SDR42E1: variants seen among roughly 807,000 people sequenced by gnomAD.
SDR42E1 encodes the protein short-chain dehydrogenase/reductase family 42E member 1.
In SDR42E1, 5 loss-of-function variants were observed where a neutral mutation model predicts 2.6. That is an observed-to-expected ratio of 1.94 (90% confidence interval 1.01 to 4.08). The LOEUF (loss-of-function observed/expected upper bound fraction) is 4.08. SDR42E1 is among the 30% of genes most tolerant of loss of function. The pLI, the probability that SDR42E1 is intolerant of heterozygous loss-of-function variation, is 0.00. For synonymous variants in SDR42E1, 231 were observed against 188.3 expected (o/e 1.23, Z -1.86); for missense variants, 596 against 478.6 (o/e 1.25, Z -2.29).
intron 1 of SDR42E1, among the ~76,000 whole-genome samples, chr16:82,007,287 T>C (rs1483206940): frequency 6.6e-6 from 1 of 152,222 alleles, no homozygotes; most frequent in Non-Finnish European, 1.5e-5. Context: ...AGGTCAGCAG[T>C]TTGCCACGTC....
chr16:82,003,646 C>G (rs1271517338), intron 1 of SDR42E1, among the ~76,000 whole-genome samples: 1 of 152,234 alleles, frequency 6.6e-6, no homozygotes, highest in African/African-American at 2.4e-5. Context: ...GGTCTGCTGA[C>G]AAGTCTTCAG....
chr16:82,002,175 G>C (rs955383168), intron 1 of SDR42E1, among the ~76,000 whole-genome samples: 12 of 152,292 alleles, frequency 7.9e-5, no homozygotes, highest in East Asian at 7.7e-4. Flanking sequence ...GAGCAGCAGA[G>C]GTTAGGGCTA....
chr16:82,005,984 T>A (rs1912920571), intron 1 of SDR42E1, among the ~76,000 whole-genome samples: 1 of 152,222 alleles, frequency 6.6e-6, no homozygotes. Flanking sequence ...GGGAGTACTT[T>A]ACATTTTAAA....
chr16:82,006,976 C>A (rs898851142), intron 1 of SDR42E1, among the ~76,000 whole-genome samples: 1 of 152,212 alleles, frequency 6.6e-6, no homozygotes, highest in Admixed American at 6.5e-5. Flanking sequence ...TGAGGTGTTT[C>A]AAATCTTGTT....
In SDR42E1 at chr16:82,000,194, G is replaced by T. The variant is rs764401116; in HGVS notation, c.99C>A (p.Val33=). ...TGCTGATGTCAAACAGAATCACATG[G>T]ACTCCATTTTGGTTCAGGGCACAGC... ...RLGCALNQNG[V]HVILFDISSP... is the part of the protein sequence containing the mutation. Residue 33 remains valine (V), a synonymous_variant, in exon 3 of 3, where the codon GTC becomes GTA. Coordinates refer to ENST00000328945, the MANE Select transcript of SDR42E1 (RefSeq NM_145168.3). 9 of 1,609,712 alleles carry T rather than the reference G, an allele frequency of 5.6e-6. No homozygotes were observed. The highest frequency in any genetic ancestry group is 2.7e-5 in the African/African-American group (2 of 74,854).
Position 81,991,441 on chromosome 16 carries a change from G to T in SDR42E1, c.*7670C>A, listed in dbSNP as rs531852471. On this transcript the variant is annotated 3_prime_UTR_variant, in exon 3 of 3. Transcript: ENST00000328945. The stretch of plus-strand genomic sequence containing the variant: ...CCAACAAGGTAAGAGTTTGGGCCAG[G>T]CTCGGTGGCTCATACCTGTAATCCC... 1 of 152,272 alleles carries T rather than the reference G, an allele frequency of 6.6e-6. No homozygotes were observed. Among genetic ancestry groups the T allele is most frequent in the Non-Finnish European group, 1.5e-5 (1 of 68,042 alleles). 9.4% of individuals were successfully genotyped at this position (152,272 alleles called of 1,614,324 possible).
At chr16:82,002,586 T>G (rs990617801) in intron 1 of SDR42E1, among the ~76,000 whole-genome samples, 1 of 152,118 alleles carries the variant, frequency 6.6e-6, no homozygotes, top group East Asian at 1.9e-4. Context: ...ACAGAGACAG[T>G]AAATAAACTT....
chr16:82,001,063 C>T (rs915189651), intron 1 of SDR42E1, among the ~76,000 whole-genome samples, 179 bp from the exon 2 acceptor site: 2 of 152,178 alleles, frequency 1.3e-5, no homozygotes, highest in Non-Finnish European at 1.5e-5. Context: ...CTTCAAATTT[C>T]ACCCGATGTA....
At chr16:82,003,060 C>A (rs1912819722) in intron 1 of SDR42E1, among the ~76,000 whole-genome samples, 1 of 152,220 alleles carries the variant, frequency 6.6e-6, no homozygotes, top group East Asian at 1.9e-4. Flanking sequence ...ATCACTTATG[C>A]AGAGTCAGTC....
chr16:82,007,057 A>C (rs1912963582), intron 1 of SDR42E1, among the ~76,000 whole-genome samples: 1 of 152,208 alleles, frequency 6.6e-6, no homozygotes, highest in South Asian at 2.1e-4. Flanking sequence ...GCTGATGACA[A>C]AGAAATGAAA....
intron 1 of SDR42E1, among the ~76,000 whole-genome samples, chr16:82,002,822 A>G (rs969862185): frequency 6.6e-6 from 1 of 152,220 alleles, no homozygotes; most frequent in Non-Finnish European, 1.5e-5. Context: ...TGCATGGGAT[A>G]ATGTGCAAAA....
In SDR42E1 at chr16:81,999,444, T is replaced by C; in HGVS notation, c.849A>G (p.Pro283=). ...LGYTFPSTRL[P]LTLVYCFAFL... is the part of the protein sequence containing the mutation. ...AAGCAAAGCAGTAGACCAAGGTCAA[T>C]GGCAGGCGGGTAGACGGGAATGTGT... The change falls in exon 3 of 3, where the codon CCA becomes CCG. Residue 283 remains proline (P), a synonymous_variant. Coordinates refer to ENST00000328945, the MANE Select transcript of SDR42E1 (RefSeq NM_145168.3). The C allele has an allele frequency of 6.2e-7, 1 of 1,614,164 alleles. No individual in the cohort carries two copies.
At position 81,999,128 on chromosome 16, in the gene SDR42E1, C is replaced by T. The variant is rs1912634102; in HGVS notation, c.1165G>A (p.Val389Met). The T allele has an allele frequency of 6.2e-7, 1 of 1,613,512 alleles. No individual in the cohort carries two copies. Among genetic ancestry groups the T allele is most frequent in the South Asian group, 1.1e-5 (1 of 90,938 alleles). ...CCCCTCCTTCACAGTGACAGAATCA[C>T]AGAAGAAGGCAGCCACATGAGAACT... The part of the protein sequence containing the change: ...IAVLMWLPSS[V>M]ILSL Residue 389 changes from valine (V) to methionine (M), a missense_variant, in exon 3 of 3, where the codon GTG becomes ATG. Physicochemically the swap from Val to Met is conservative, Grantham distance 21. Transcript: ENST00000328945.
chr16:82,004,264 T>C (rs1383661052), intron 1 of SDR42E1, among the ~76,000 whole-genome samples: 4 of 147,108 alleles, frequency 2.7e-5, no homozygotes, highest in Non-Finnish European at 1.5e-5. Context: ...GAGTGAGCTT[T>C]AGCACTACAG....
At position 81,999,764 on chromosome 16, in the gene SDR42E1, C is replaced by G. The variant is rs1463255133; in HGVS notation, c.529G>C (p.Val177Leu). 1 of 1,614,094 alleles carries G rather than the reference C, an allele frequency of 6.2e-7. No individual in the cohort carries two copies. Among genetic ancestry groups the G allele is most frequent in the Non-Finnish European group, 8.5e-7 (1 of 1,180,046 alleles). ...NATPLDRGDG[V>L]LRTCALRPAG... Reference sequence around the variant, plus strand: ...GGCCTCAGAGCGCAGGTTCTTAAGACACCGTCGCCTCTGTCCAGGGGTGTA... The same window carrying G: ...GGCCTCAGAGCGCAGGTTCTTAAGAGACCGTCGCCTCTGTCCAGGGGTGTA... The change falls in exon 3 of 3, where the codon GTC becomes CTC. Residue 177 changes from valine to leucine, a missense_variant. Coordinates refer to ENST00000328945, the MANE Select transcript of SDR42E1 (RefSeq NM_145168.3).
At position 81,991,972 on chromosome 16, in the gene SDR42E1, G is replaced by A. The variant is rs1402526763; in HGVS notation, c.*7139C>T. 6.6e-6 allele frequency: 1 copy of A among 152,064 alleles called. No homozygotes were observed. The highest frequency in any genetic ancestry group is 1.5e-5 in the Non-Finnish European group (1 of 68,052). The allele number at this position is 152,064 out of a possible 1,614,324, so 9.4% of individuals were successfully genotyped here. A position where few individuals can be genotyped will look rare whatever the true frequency, so the allele number is the denominator to read the frequency against. Reference sequence around the variant, plus strand: ...AGTTTGAGACCAGCCTGGCCAACATGGCGAAACCCCAAATCACCGCTAATT... The same window carrying A: ...AGTTTGAGACCAGCCTGGCCAACATAGCGAAACCCCAAATCACCGCTAATT... On this transcript the variant is annotated 3_prime_UTR_variant, in exon 3 of 3. Coordinates refer to ENST00000328945, the MANE Select transcript of SDR42E1 (RefSeq NM_145168.3).
chr16:81,999,118 G>T lies in SDR42E1; in HGVS notation c.1175C>A (p.Ser392Ter). The change falls in exon 3 of 3, where the codon TCA (serine) becomes TAA (stop). Residue 392 changes from serine to a stop codon, truncating the protein, a stop_gained. Coordinates refer to ENST00000328945, the MANE Select transcript of SDR42E1 (RefSeq NM_145168.3). LOFTEE classifies it high-confidence loss of function. ...TTATTTCTGGCCCCTCCTTCACAGTGACAGAATCACAGAAGAAGGCAGCCA... is the reference window on the plus strand; with the variant it reads ...TTATTTCTGGCCCCTCCTTCACAGTTACAGAATCACAGAAGAAGGCAGCCA... The part of the protein sequence containing the change: ...LMWLPSSVIL[S>*]L 6.2e-7 allele frequency: 1 copy of T among 1,613,262 alleles called. No homozygotes were observed. The highest frequency in any genetic ancestry group is 1.1e-5 in the South Asian group (1 of 90,864).
chr16:81,999,773 C>G lies in SDR42E1; in HGVS notation c.520G>C (p.Gly174Arg). 2 of 1,614,206 alleles carry G rather than the reference C, an allele frequency of 1.2e-6. No individual in the cohort carries two copies. Among genetic ancestry groups the G allele is most frequent in the Non-Finnish European group, 1.7e-6 (2 of 1,180,032 alleles). Reference protein sequence around the residue: ...LEANATPLDRGDGVLRTCALR... With the variant: ...LEANATPLDRRDGVLRTCALR... Reference sequence around the variant, plus strand: ...GCGCAGGTTCTTAAGACACCGTCGCCTCTGTCCAGGGGTGTAGCATTCGCC... The same window carrying G: ...GCGCAGGTTCTTAAGACACCGTCGCGTCTGTCCAGGGGTGTAGCATTCGCC... The change falls in exon 3 of 3, where the codon GGC becomes CGC. Residue 174 changes from glycine to arginine, a missense_variant. By Grantham distance (125) the Gly-to-Arg change is moderately radical. Transcript: ENST00000328945.
In SDR42E1 at chr16:81,994,614, A is replaced by T. The variant is rs190220729; in HGVS notation, c.*4497T>A. On this transcript the variant is annotated 3_prime_UTR_variant, in exon 3 of 3. Coordinates refer to ENST00000328945, the MANE Select transcript of SDR42E1 (RefSeq NM_145168.3). ...CACACAACCTGGTGTGCCATCTCTAAGCAAGAGATGCTGGTGAAGATTTTA... is the reference window on the plus strand; with the variant it reads ...CACACAACCTGGTGTGCCATCTCTATGCAAGAGATGCTGGTGAAGATTTTA... The T allele has an allele frequency of 6.6e-6, 1 of 152,314 alleles. No individual in the cohort carries two copies. The highest frequency in any genetic ancestry group is 1.9e-4 in the East Asian group (1 of 5,172). The allele number at this position is 152,314 out of a possible 1,614,324, so 9.4% of individuals were successfully genotyped here. A position where few individuals can be genotyped will look rare whatever the true frequency, so the allele number is the denominator to read the frequency against.
Sources: allele counts gnomAD v4.1 joint callset (sites outside exome capture counted in the v4.1 genomes callset), GRCh38; gene constraint gnomAD v4.1.1; transcripts MANE v1.5; gene names NCBI Gene and HGNC (gene_info 2026-07-23, HGNC 2026-07-21).